NKAIN2: variants seen among roughly 807,000 people sequenced by gnomAD.
NKAIN2 encodes the protein sodium/potassium transporting ATPase interacting 2.
NKAIN2 carries 14 observed loss-of-function variants against 32.6 expected under a neutral mutation model. That is an observed-to-expected ratio of 0.43 (90% CI 0.28 to 0.67). The LOEUF (loss-of-function observed/expected upper bound fraction) is 0.67, where lower values mean the gene tolerates loss of function less well. NKAIN2 is among the 30% of genes least tolerant of loss of function. The pLI, the probability that NKAIN2 is intolerant of heterozygous loss-of-function variation, is 0.17. For missense variants in NKAIN2, 198 were observed against 258.3 expected, an observed-to-expected ratio of 0.77 and a Z score of 1.60; for synonymous variants, 80 against 87.2, an observed-to-expected ratio of 0.92 and a Z score of 0.46.
At chr6:124,344,668 T>C (rs1476491567) in intron 2 of NKAIN2, among the ~76,000 whole-genome samples, 1 of 152,220 alleles carries the variant, frequency 6.6e-6, no homozygotes, top group East Asian at 1.9e-4. Context: ...CTTGTGATTT[T>C]TGCACATTTA....
chr6:124,240,508 C>T (rs1166520760), intron 1 of NKAIN2, among the ~76,000 whole-genome samples: 2 of 152,064 alleles, frequency 1.3e-5, no homozygotes, highest in East Asian at 3.9e-4. Flanking sequence ...AAAATACTGG[C>T]AAACCAAATC....
At chr6:123,826,350 T>G (rs994906888) in intron 1 of NKAIN2, among the ~76,000 whole-genome samples, 3 of 152,198 alleles carry the variant, frequency 2.0e-5, no homozygotes, top group Non-Finnish European at 4.4e-5. Flanking sequence ...TTTTTTAAAT[T>G]GTTGTAAATC....
At chr6:124,343,373 AT>A (rs1442980795) in intron 2 of NKAIN2, among the ~76,000 whole-genome samples, 1 of 150,484 alleles carries the variant, frequency 6.6e-6, no homozygotes, top group African/African-American at 2.4e-5. Context: ...GTCAAATGGT[AT>A]TTCTAGTTCT....
At chr6:124,295,940 C>G (rs1307480446) in intron 2 of NKAIN2, among the ~76,000 whole-genome samples, 1 of 151,608 alleles carries the variant, frequency 6.6e-6, no homozygotes, top group African/African-American at 2.4e-5. Context: ...TACCTTTTTT[C>G]TTGTAACCAT....
intron 2 of NKAIN2, among the ~76,000 whole-genome samples, chr6:124,298,803 T>G (rs866452643): frequency 1.6e-4 from 24 of 152,140 alleles, no homozygotes; most frequent in Middle Eastern, 3.4e-3. Flanking sequence ...TTAAACCACT[T>G]TAGAACAGCA....
intron 3 of NKAIN2, among the ~76,000 whole-genome samples, chr6:124,641,687 G>A (rs563655839): frequency 6.6e-6 from 1 of 151,432 alleles, no homozygotes; most frequent in East Asian, 2.0e-4. Context: ...GAGTAGCTGG[G>A]ACTACAGGTG....
At chr6:124,312,165 G>T (rs563964475) in intron 2 of NKAIN2, among the ~76,000 whole-genome samples, 98 of 152,152 alleles carry the variant, frequency 6.4e-4, no homozygotes, top group African/African-American at 2.2e-3. Context: ...TTCTGTGTCA[G>T]TGTGAGTGAA....
At chr6:124,172,280 G>A (rs1454546548) in intron 1 of NKAIN2, among the ~76,000 whole-genome samples, 2 of 152,178 alleles carry the variant, frequency 1.3e-5, no homozygotes, top group Non-Finnish European at 2.9e-5. Context: ...ATCAAAACCA[G>A]TATTTTCTCA....
chr6:124,660,394 T>TA lies in NKAIN2; in HGVS notation c.474+2015dup, dbSNP rs202027293. On this transcript the variant is annotated intron_variant, in intron 4 of 6. Coordinates refer to ENST00000368417, the MANE Select transcript of NKAIN2 (RefSeq NM_001040214.3). ...AAATGCTGACACATAGGGAATGTGC[T>TA]AAAAAAATACATTTGGACGTGGGGG... Among the ~76,000 whole-genome samples the TA allele has an allele frequency of 7.2e-3, 1,103 of 152,262 alleles. 9 individuals carry two copies. The highest frequency in any genetic ancestry group is 0.011 in the Non-Finnish European group (723 of 68,004).
chr6:124,587,254 G>A (rs1255016999), intron 3 of NKAIN2, among the ~76,000 whole-genome samples: 2 of 151,652 alleles, frequency 1.3e-5, no homozygotes, highest in African/African-American at 2.4e-5. Context: ...TTTTTGAGAT[G>A]GAGTCTCGCT....
chr6:124,383,911 T>C (rs1460847826), intron 3 of NKAIN2, among the ~76,000 whole-genome samples: 1 of 152,202 alleles, frequency 6.6e-6, no homozygotes, highest in East Asian at 1.9e-4. Context: ...CATTTCTCTG[T>C]TTCTCTGACT....
chr6:124,802,322 T>A (rs1010993508), intron 5 of NKAIN2, among the ~76,000 whole-genome samples: 3 of 152,212 alleles, frequency 2.0e-5, no homozygotes, highest in African/African-American at 7.2e-5. Context: ...CAATCATGTC[T>A]AACGAGCTCA....
At chr6:124,038,991 G>T (rs234479) in intron 1 of NKAIN2, among the ~76,000 whole-genome samples, 6 of 152,132 alleles carry the variant, frequency 3.9e-5, no homozygotes, top group Admixed American at 2.6e-4. Context: ...CATGGTCATG[G>T]TTAATTATCA....
intron 4 of NKAIN2, among the ~76,000 whole-genome samples, chr6:124,691,486 C>T (rs939301736): frequency 2.1e-4 from 32 of 152,148 alleles, no homozygotes; most frequent in African/African-American, 2.7e-4. Flanking sequence ...AGATGAGTTC[C>T]TCTGCCGAGA....
chr6:123,897,685 A>G (rs976512053), intron 1 of NKAIN2, among the ~76,000 whole-genome samples: 6 of 152,120 alleles, frequency 3.9e-5, no homozygotes, highest in Admixed American at 3.9e-4. Flanking sequence ...AATATCTTGA[A>G]TGTCATCTCC....
intron 1 of NKAIN2, among the ~76,000 whole-genome samples, chr6:124,155,487 G>T (rs2114416961): frequency 6.6e-6 from 1 of 151,936 alleles, no homozygotes; most frequent in South Asian, 2.1e-4. Flanking sequence ...GGTAAAGAAT[G>T]AACAGGCCAA....
intron 1 of NKAIN2, among the ~76,000 whole-genome samples, chr6:124,001,800 A>AATATATATATATATATATATAT (rs10567719): frequency 3.0e-5 from 4 of 135,124 alleles, no homozygotes; most frequent in Non-Finnish European, 3.2e-5. Flanking sequence ...CTTAGTTCTA[A>AATATATATATATATATATATAT]ATATATATAT....
chr6:124,768,824 G>T (rs1394638294), intron 4 of NKAIN2, among the ~76,000 whole-genome samples: 1 of 151,986 alleles, frequency 6.6e-6, no homozygotes, highest in East Asian at 1.9e-4. Flanking sequence ...TTTATACTTA[G>T]CCTGTTCCTG....
intron 1 of NKAIN2, among the ~76,000 whole-genome samples, chr6:123,834,885 G>A (rs1192106746): frequency 1.3e-5 from 2 of 152,106 alleles, no homozygotes; most frequent in Non-Finnish European, 2.9e-5. Flanking sequence ...GTATTTGCAT[G>A]TTGAACCAGC....
Sources: allele counts gnomAD v4.1 joint callset (sites outside exome capture counted in the v4.1 genomes callset), GRCh38; gene constraint gnomAD v4.1.1; transcripts MANE v1.5; gene names NCBI Gene and HGNC (gene_info 2026-07-23, HGNC 2026-07-21).